Variants in RNF13 observed in about 807,000 individuals in gnomAD.
The protein encoded by RNF13 is ring finger protein 13.
A neutral mutation model predicts 37.7 loss-of-function variants in RNF13; 19 were observed. The observed-to-expected ratio is 0.50, with a 90% CI of 0.35 to 0.74. The LOEUF (loss-of-function observed/expected upper bound fraction) is 0.74, where lower values mean the gene tolerates loss of function less well. Ranked by LOEUF, RNF13 falls within the 30% of genes least tolerant of loss-of-function variation. The pLI is 0.01. For missense variants in RNF13, 375 were observed against 453.0 expected, an observed-to-expected ratio of 0.83 and a Z score of 1.56; for synonymous variants, 144 against 157.8, an observed-to-expected ratio of 0.91 and a Z score of 0.65.
intron 6 of RNF13, among the ~76,000 whole-genome samples, chr3:149,902,556 G>T (rs543702332): frequency 6.6e-6 from 1 of 152,070 alleles, no homozygotes; most frequent in Non-Finnish European, 1.5e-5. Context: ...ATTGTGTTAA[G>T]GGACTAACAT....
intron 4 of RNF13, among the ~76,000 whole-genome samples, chr3:149,874,022 A>C (rs1478334776): frequency 6.6e-6 from 1 of 152,206 alleles, no homozygotes; most frequent in Non-Finnish European, 1.5e-5. Flanking sequence ...CATATGAAAA[A>C]CATGGAAGAA....
At position 149,919,358 on chromosome 3, in the gene RNF13, A is replaced by T. The variant is rs116051084; in HGVS notation, c.607-1776A>T. Reference sequence around the variant, plus strand: ...TATTAACCACCCTAAAAAGTTTGGCAATGCCTTCCTTCTACCCCTTCCAAC... The same window carrying T: ...TATTAACCACCCTAAAAAGTTTGGCTATGCCTTCCTTCTACCCCTTCCAAC... On this transcript the variant is annotated intron_variant, in intron 7 of 9. Coordinates refer to ENST00000392894, the MANE Select transcript of RNF13 (RefSeq NM_183381.3). Among the ~76,000 whole-genome samples, 3 of 152,248 alleles carry T rather than the reference A, an allele frequency of 2.0e-5. No individual in the cohort carries two copies. The South Asian group carries it at 6.2e-4, about 32-fold the overall frequency.
chr3:149,870,492 C>G (rs1711905901), intron 3 of RNF13, among the ~76,000 whole-genome samples: 1 of 151,762 alleles, frequency 6.6e-6, no homozygotes, highest in African/African-American at 2.4e-5. Flanking sequence ...TCTGCATCAT[C>G]ATTTTGGAGC....
chr3:149,917,399 A>G (rs1292637287), intron 7 of RNF13: 1 of 152,192 alleles, frequency 6.6e-6, no homozygotes, highest in Non-Finnish European at 1.5e-5. Flanking sequence ...GGTCATGCTA[A>G]TCTTCTCTGT....
At chr3:149,955,397 G>A (rs1427549767) in intron 8 of RNF13, among the ~76,000 whole-genome samples, 1 of 151,778 alleles carries the variant, frequency 6.6e-6, no homozygotes, top group African/African-American at 2.4e-5. Context: ...CCCAGGGCTT[G>A]GAAATAATCA....
intron 4 of RNF13, among the ~76,000 whole-genome samples, chr3:149,872,368 T>C (rs2108442599): frequency 6.6e-6 from 1 of 152,354 alleles, no homozygotes; most frequent in South Asian, 2.1e-4. Context: ...CAGTGGAATG[T>C]TACTTGATCT....
intron 8 of RNF13, among the ~76,000 whole-genome samples, chr3:149,922,982 T>C (rs1326170908): frequency 6.6e-6 from 1 of 152,094 alleles, no homozygotes; most frequent in East Asian, 1.9e-4. Context: ...AGTGAAAAAG[T>C]GTAGGGAGTG....
At chr3:149,937,043 T>G (rs1719761744) in intron 8 of RNF13, among the ~76,000 whole-genome samples, 1 of 152,120 alleles carries the variant, frequency 6.6e-6, no homozygotes, top group African/African-American at 2.4e-5. Context: ...TAGGAGTTTG[T>G]GCGCAGAGGA....
At chr3:149,920,091 C>T (rs925369573) in intron 7 of RNF13, among the ~76,000 whole-genome samples, 1 of 151,950 alleles carries the variant, frequency 6.6e-6, no homozygotes, top group Non-Finnish European at 1.5e-5. Flanking sequence ...TGTTGGGTAA[C>T]TTGTTTTCTT....
intron 8 of RNF13, among the ~76,000 whole-genome samples, chr3:149,955,622 T>C (rs1390635394): frequency 2.0e-5 from 3 of 152,176 alleles, no homozygotes; most frequent in Non-Finnish European, 4.4e-5. Context: ...AAAGCTGCTA[T>C]TGTTTTCTTC....
intron 1 of RNF13, among the ~76,000 whole-genome samples, chr3:149,838,033 G>A (rs1721802702): frequency 1.3e-5 from 2 of 152,060 alleles, no homozygotes; most frequent in African/African-American, 4.8e-5. Flanking sequence ...AGGGCTACAG[G>A]CCCCATGCAA....
chr3:149,931,793 T>C (rs1321137283), intron 8 of RNF13, among the ~76,000 whole-genome samples: 1 of 152,198 alleles, frequency 6.6e-6, no homozygotes, highest in Non-Finnish European at 1.5e-5. Context: ...CTAGAACTTA[T>C]TCCTTCTAAC....
chr3:149,844,104 TA>T (rs1234531301), intron 1 of RNF13, among the ~76,000 whole-genome samples: 1 of 152,234 alleles, frequency 6.6e-6, no homozygotes, highest in African/African-American at 2.4e-5. Context: ...TTCTTCCTAC[TA>T]AAATTTAATA....
chr3:149,901,795 A>G (rs1464159000), intron 5 of RNF13, among the ~76,000 whole-genome samples: 1 of 152,210 alleles, frequency 6.6e-6, no homozygotes, highest in Non-Finnish European at 1.5e-5. Context: ...GAAGAAATCA[A>G]ATGGAAATAT....
chr3:149,952,684 C>T (rs1180473982), intron 8 of RNF13, among the ~76,000 whole-genome samples: 1 of 152,056 alleles, frequency 6.6e-6, no homozygotes, highest in East Asian at 1.9e-4. Context: ...ATCACAACCT[C>T]TGCCTCCCGG....
At chr3:149,853,455 G>GAGAGAGAGAGAGA (rs1723306052) in intron 3 of RNF13, among the ~76,000 whole-genome samples, 1 of 117,262 alleles carries the variant, frequency 8.5e-6, no homozygotes. Context: ...AGAGAGAGAG[G>GAGAGAGAGAGAGA]GAGAGAGAGA....
chr3:149,879,488 T>G (rs116434417), intron 4 of RNF13, among the ~76,000 whole-genome samples: 2 of 152,098 alleles, frequency 1.3e-5, no homozygotes, highest in African/African-American at 4.8e-5. Flanking sequence ...TGTTTTGTTT[T>G]GTTGAGAGGG....
At chr3:149,885,951 T>C (rs1037380123) in intron 4 of RNF13, among the ~76,000 whole-genome samples, 2 of 152,218 alleles carry the variant, frequency 1.3e-5, no homozygotes, top group Admixed American at 6.5e-5. Context: ...TCTGGATATG[T>C]ACCTCCAGTT....
At chr3:149,932,818 TAGC>T (rs1719295888) in intron 8 of RNF13, among the ~76,000 whole-genome samples, 1 of 152,200 alleles carries the variant, frequency 6.6e-6, no homozygotes, top group African/African-American at 2.4e-5. Context: ...GTCTGGAGGA[TAGC>T]AGTCCTGTTC....
Sources: allele counts gnomAD v4.1 joint callset (sites outside exome capture counted in the v4.1 genomes callset), GRCh38; gene constraint gnomAD v4.1.1; transcripts MANE v1.5; gene names NCBI Gene and HGNC (gene_info 2026-07-23, HGNC 2026-07-21).